Variants in TMEM87B observed in about 807,000 individuals in gnomAD.
The protein encoded by TMEM87B is transmembrane protein 87B.
In TMEM87B, 83 loss-of-function variants were observed where a neutral mutation model predicts 80.3. The ratio of observed to expected loss-of-function variants is 1.03; its 90% CI spans 0.87 to 1.24. The LOEUF is 1.24. TMEM87B is among the 50% of genes most tolerant of loss of function. The probability of loss-of-function intolerance (pLI) is 0.00; values close to 1 mark genes in which losing one functional copy is unlikely to be tolerated. For synonymous variants in TMEM87B, 219 were observed against 230.5 expected (o/e 0.95, Z 0.45); for missense variants, 625 against 674.4 (o/e 0.93, Z 0.81).
At chr2:112,099,653 A>T (rs1316906240) in intron 14 of TMEM87B, among the ~76,000 whole-genome samples, 1 of 150,162 alleles carries the variant, frequency 6.7e-6, no homozygotes, top group Non-Finnish European at 1.5e-5. Flanking sequence ...AGGTGGGTGT[A>T]TGACTTGAGC....
intron 18 of TMEM87B, among the ~76,000 whole-genome samples, chr2:112,115,836 A>G (rs551741530): frequency 3.3e-5 from 5 of 152,246 alleles, no homozygotes; most frequent in Middle Eastern, 3.4e-3. Context: ...AGGTCTCTCT[A>G]TGTTGCCCAG....
intron 11 of TMEM87B, among the ~76,000 whole-genome samples, chr2:112,096,250 C>T (rs886628422): frequency 3.3e-5 from 5 of 152,152 alleles, no homozygotes; most frequent in Non-Finnish European, 5.9e-5. Context: ...TTCCTCCAGG[C>T]CATAAACGTT....
intron 3 of TMEM87B, among the ~76,000 whole-genome samples, chr2:112,065,276 T>C (rs546835079): frequency 2.6e-5 from 4 of 152,316 alleles, no homozygotes; most frequent in South Asian, 2.1e-4. Context: ...AACAGAGATA[T>C]TCATTTATTT....
In TMEM87B at chr2:112,110,734, C is replaced by A. The variant is rs532051514; in HGVS notation, c.1578-2165C>A. The stretch of plus-strand genomic sequence containing the variant: ...ATTTCTGCAGACCTTCTCCCACCGC[C>A]CCCCCCAACTTTTTACTGTCTTCTT... On this transcript the variant is annotated intron_variant, in intron 17 of 18. Transcript: ENST00000283206. Among the ~76,000 whole-genome samples the A allele has an allele frequency of 2.0e-4, 31 of 152,028 alleles. No homozygotes were observed. The East Asian group carries it at 5.4e-3, about 26-fold the overall frequency.
chr2:112,064,511 A>G (rs951691058), intron 3 of TMEM87B, among the ~76,000 whole-genome samples: 1 of 152,262 alleles, frequency 6.6e-6, no homozygotes. Context: ...AGACGCATAC[A>G]TACAAATAAA....
In TMEM87B at chr2:112,059,562, C is replaced by T. The variant is rs539640960; in HGVS notation, c.166-415C>T. ...GTCCTATAGGCTACAGTAAGAATTT[C>T]GGTCTGTTGTAATTGCATTGGTAAA... On this transcript the variant is annotated intron_variant, in intron 1 of 18. Coordinates refer to ENST00000283206, the MANE Select transcript of TMEM87B (RefSeq NM_032824.3). Among the ~76,000 whole-genome samples, 46 of 152,260 alleles carry T rather than the reference C, an allele frequency of 3.0e-4. 2 individuals carry two copies. In the South Asian group the frequency reaches 7.2e-3, roughly 24 times the overall value.
At chr2:112,073,041 A>C (rs1440457013) in intron 4 of TMEM87B, among the ~76,000 whole-genome samples, 1 of 151,560 alleles carries the variant, frequency 6.6e-6, no homozygotes, top group Non-Finnish European at 1.5e-5. Context: ...CTGGGATTGC[A>C]GGCACCCACC....
chr2:112,104,666 T>A (rs1679720402), intron 15 of TMEM87B, among the ~76,000 whole-genome samples: 1 of 152,208 alleles, frequency 6.6e-6, no homozygotes, highest in Admixed American at 6.5e-5. Context: ...TGTGACAGCT[T>A]CTTACAAAGT....
At chr2:112,093,669 T>G (rs1197897140) in intron 11 of TMEM87B, among the ~76,000 whole-genome samples, 1 of 152,218 alleles carries the variant, frequency 6.6e-6, no homozygotes, top group African/African-American at 2.4e-5. Flanking sequence ...AATATCTTCC[T>G]CTGGTGTCAT....
intron 2 of TMEM87B, among the ~76,000 whole-genome samples, chr2:112,060,246 G>A (rs542349622): frequency 6.6e-6 from 1 of 152,138 alleles, no homozygotes; most frequent in South Asian, 2.1e-4. Context: ...CTACTTGGGA[G>A]GCTGAGGCAG....
At chr2:112,083,774 C>A (rs1361951690) in intron 8 of TMEM87B, among the ~76,000 whole-genome samples, 2 of 152,154 alleles carry the variant, frequency 1.3e-5, no homozygotes, top group African/African-American at 4.8e-5. Flanking sequence ...TCTTGTGAAT[C>A]TGTTGGTTTG....
intron 17 of TMEM87B, among the ~76,000 whole-genome samples, chr2:112,109,662 G>GTTT (rs1390005873): frequency 3.9e-5 from 4 of 101,720 alleles, no homozygotes; most frequent in Non-Finnish European, 6.2e-5. Flanking sequence ...CCTAAGTATG[G>GTTT]TCTTTTTTTT....
At chr2:112,066,559 G>A (rs970800243) in intron 3 of TMEM87B, among the ~76,000 whole-genome samples, 1 of 152,082 alleles carries the variant, frequency 6.6e-6, no homozygotes, top group Admixed American at 6.6e-5. Context: ...TCTCTTTTTT[G>A]TAGTTGAATG....
intron 4 of TMEM87B, among the ~76,000 whole-genome samples, chr2:112,072,827 T>C (rs1371988341): frequency 3.9e-5 from 6 of 152,028 alleles, no homozygotes; most frequent in African/African-American, 1.4e-4. Context: ...GGTTTGCTCT[T>C]GCTTCACTAG....
At chr2:112,109,574 T>C (rs918036361) in intron 17 of TMEM87B, among the ~76,000 whole-genome samples, 3 of 151,902 alleles carry the variant, frequency 2.0e-5, no homozygotes, top group African/African-American at 7.2e-5. Flanking sequence ...TTCTCATGTG[T>C]GTGATGTGAC....
chr2:112,095,651 T>G (rs1679448396), intron 11 of TMEM87B, among the ~76,000 whole-genome samples: 7 of 152,200 alleles, frequency 4.6e-5, no homozygotes, highest in Admixed American at 4.6e-4. Flanking sequence ...CTTTAGAAAT[T>G]GATCTTTTGT....
intron 4 of TMEM87B, among the ~76,000 whole-genome samples, chr2:112,073,792 A>G (rs1197106648): frequency 1.3e-5 from 2 of 152,190 alleles, no homozygotes; most frequent in African/African-American, 4.8e-5. Flanking sequence ...TTGGGTGCAT[A>G]TATATTTAAG....
chr2:112,074,070 A>G (rs1033386766), intron 4 of TMEM87B, among the ~76,000 whole-genome samples: 1 of 152,044 alleles, frequency 6.6e-6, no homozygotes, highest in Non-Finnish European at 1.5e-5. Context: ...GTGCCTTTTA[A>G]TTGGGGCTTT....
chr2:112,102,532 A>G (rs1679657855), intron 15 of TMEM87B, among the ~76,000 whole-genome samples: 1 of 152,026 alleles, frequency 6.6e-6, no homozygotes, highest in African/African-American at 2.4e-5. Context: ...CCTCTTGACT[A>G]AAAATACAAA....
Sources: allele counts gnomAD v4.1 joint callset (sites outside exome capture counted in the v4.1 genomes callset), GRCh38; gene constraint gnomAD v4.1.1; transcripts MANE v1.5; gene names NCBI Gene and HGNC (gene_info 2026-07-23, HGNC 2026-07-21).